LMBR1: variants seen among roughly 807,000 people sequenced by gnomAD.
LMBR1 encodes limb development membrane protein 1.
A neutral mutation model predicts 73.9 loss-of-function variants in LMBR1; 52 were observed. The observed-to-expected ratio is 0.70, with a 90% CI of 0.56 to 0.89. The LOEUF is 0.89. Ranked by LOEUF, LMBR1 falls within the 40% of genes least tolerant of loss-of-function variation. The pLI is 0.00. For synonymous variants in LMBR1, 215 were observed against 209.4 expected (o/e 1.03, Z -0.23); for missense variants, 539 against 579.8 (o/e 0.93, Z 0.72).
intron 1 of LMBR1, among the ~76,000 whole-genome samples, chr7:156,884,274 G>A (rs1263039211): frequency 6.6e-6 from 1 of 152,124 alleles, no homozygotes; most frequent in Non-Finnish European, 1.5e-5. Context: ...ACACACCTAG[G>A]CCTTGATGAC....
chr7:156,826,954 GGTCA>G (rs1274513138), intron 3 of LMBR1, among the ~76,000 whole-genome samples: 1 of 152,058 alleles, frequency 6.6e-6, no homozygotes, highest in African/African-American at 2.4e-5. Flanking sequence ...TCTATGAAAA[GGTCA>G]GTAAGTCTAA....
At chr7:156,754,899 C>T (rs1038226036) in intron 9 of LMBR1, among the ~76,000 whole-genome samples, 10 of 152,124 alleles carry the variant, frequency 6.6e-5, no homozygotes, top group African/African-American at 2.4e-4. Context: ...AATCATTTAG[C>T]TCTTTATTTT....
intron 1 of LMBR1, among the ~76,000 whole-genome samples, chr7:156,841,048 G>A (rs1313461577): frequency 6.6e-6 from 1 of 151,694 alleles, no homozygotes; most frequent in Non-Finnish European, 1.5e-5. Flanking sequence ...ACAAAGAACT[G>A]CAGGAAGCCG....
intron 1 of LMBR1, among the ~76,000 whole-genome samples, chr7:156,854,807 A>G (rs1586249660): frequency 6.6e-6 from 1 of 152,216 alleles, no homozygotes; most frequent in South Asian, 2.1e-4. Context: ...TTACAGCTAA[A>G]AGAACTGCAA....
downstream of LMBR1, among the ~76,000 whole-genome samples, chr7:156,673,294 T>G (rs1363936774): frequency 1.3e-5 from 2 of 152,176 alleles, no homozygotes; most frequent in Admixed American, 6.5e-5. Context: ...TAAAAACAAT[T>G]TACAGAAAAC....
rs151152539 is a variant in LMBR1, at chr7:156,802,446, A to G, written c.320-5954T>C. ...TAAAAATGAGTTCCATAAACAAACAATATTACAATCCATATAGCTAAATGT... is the reference window on the plus strand; with the variant it reads ...TAAAAATGAGTTCCATAAACAAACAGTATTACAATCCATATAGCTAAATGT... On this transcript the variant is annotated intron_variant, in intron 4 of 16. Transcript: ENST00000353442. Among the ~76,000 whole-genome samples the G allele has an allele frequency of 2.6e-3, 401 of 152,308 alleles. 4 individuals carry two copies. Among genetic ancestry groups the G allele is most frequent in the African/African-American group, 9.1e-3 (376 of 41,542 alleles).
chr7:156,675,633 G>A, downstream of LMBR1: 1 of 1,438,732 alleles, frequency 7.0e-7, no homozygotes, highest in Non-Finnish European at 9.7e-7. Flanking sequence ...AGGCTCGAGA[G>A]CGCTTCCCTG....
intron 15 of LMBR1, among the ~76,000 whole-genome samples, chr7:156,688,761 A>G (rs1489165263): frequency 3.3e-5 from 5 of 152,166 alleles, no homozygotes; most frequent in Non-Finnish European, 7.3e-5. Flanking sequence ...ACGAGTCTTC[A>G]CAGCATACAT....
At position 156,780,116 on chromosome 7, in the gene LMBR1, G is replaced by A. The variant is rs187426932; in HGVS notation, c.423+16273C>T. ...GCTTTGGTCTCACGTCAGAGAAAAC[G>A]GCTTTGTGAAAAGCTTTGTTAAGGT... On this transcript the variant is annotated intron_variant, in intron 5 of 16. Transcript: ENST00000353442. Among the ~76,000 whole-genome samples, 215 of 152,202 alleles carry A rather than the reference G, an allele frequency of 1.4e-3. 1 individual carries two copies. The highest frequency in any genetic ancestry group is 6.8e-3 in the Middle Eastern group (2 of 294).
rs1164896899 is a variant in LMBR1 at position 156,788,481 on chromosome 7, A to G, written c.423+7908T>C. ...ATGACTAGGAATTTTTTAAAATAGA[A>G]AACAGCTCAAAACCACGCCTATGGC... On this transcript the variant is annotated intron_variant, in intron 5 of 16. Coordinates refer to ENST00000353442, the MANE Select transcript of LMBR1 (RefSeq NM_022458.4). 3.3e-5 allele frequency among the ~76,000 whole-genome samples: 5 copies of G among 152,160 alleles called. No homozygotes were observed. In the South Asian group the frequency reaches 1.0e-3, roughly 32 times the overall value.
intron 15 of LMBR1, among the ~76,000 whole-genome samples, chr7:156,693,670 C>T (rs1048239621): frequency 1.4e-4 from 21 of 152,118 alleles, no homozygotes; most frequent in Admixed American, 1.4e-3. Flanking sequence ...AAAGAAAAGC[C>T]CAGGACCAGA....
chr7:156,724,316 C>G (rs1043257738), intron 14 of LMBR1, 138 bp from the exon 15 acceptor site: 5 of 593,314 alleles, frequency 8.4e-6, no homozygotes, highest in Non-Finnish European at 1.5e-5. Flanking sequence ...CTATTCAGTA[C>G]AGAATTTTCA....
At chr7:156,687,986 A>G (rs1288264396) in intron 16 of LMBR1, 44 bp downstream of exon 16, 1 of 1,492,158 alleles carries the variant, frequency 6.7e-7, no homozygotes, top group Non-Finnish European at 9.0e-7. Flanking sequence ...TGTCAAAATT[A>G]TTTAGTAGAA....
rs1052891075 is a variant in LMBR1, at chr7:156,681,359, G to A, written c.*2719C>T. 6.9e-6 allele frequency: 2 copies of A among 289,128 alleles called. No homozygotes were observed. The highest frequency in any genetic ancestry group is 1.0e-4 in the East Asian group (1 of 9,556). 17.9% of individuals were successfully genotyped at this position (289,128 alleles called of 1,614,324 possible). On this transcript the variant is annotated 3_prime_UTR_variant, in exon 17 of 17. Coordinates refer to ENST00000353442, the MANE Select transcript of LMBR1 (RefSeq NM_022458.4). ...CAGCACCTTAGTGCAGCAATTTAAG[G>A]AGCTAACATTAGTGTGTATGTGTGT...
intron 4 of LMBR1, among the ~76,000 whole-genome samples, chr7:156,815,028 C>T (rs1161036174): frequency 1.3e-5 from 2 of 151,798 alleles, no homozygotes; most frequent in Non-Finnish European, 1.5e-5. Flanking sequence ...TGGTGGCACA[C>T]GCCTATAATC....
chr7:156,748,050 G>A (rs2132678242), intron 9 of LMBR1: 1 of 152,294 alleles, frequency 6.6e-6, no homozygotes. Context: ...CTACAAAGGA[G>A]AGAGTCAGCC....
At chr7:156,752,228 G>A (rs1279401294) in intron 9 of LMBR1, among the ~76,000 whole-genome samples, 3 of 152,230 alleles carry the variant, frequency 2.0e-5, no homozygotes, top group Admixed American at 1.3e-4. Context: ...GGAAGCAAGA[G>A]TGAGTTTCAA....
At chr7:156,803,190 A>T (rs1372654058) in intron 4 of LMBR1, among the ~76,000 whole-genome samples, 3 of 152,226 alleles carry the variant, frequency 2.0e-5, no homozygotes, top group African/African-American at 7.2e-5. Context: ...ACAGCAAAAG[A>T]AACCACCATC....
rs554202635 is a variant in LMBR1 at position 156,719,066 on chromosome 7, C to T, written c.1225+5046G>A. Reference sequence around the variant, plus strand: ...GTTACATATGTATACATGAGCCATGCTGGTGTGCTGCACCCATTAACTCGT... The same window carrying T: ...GTTACATATGTATACATGAGCCATGTTGGTGTGCTGCACCCATTAACTCGT... On this transcript the variant is annotated intron_variant, in intron 15 of 16. Transcript: ENST00000353442. Among the ~76,000 whole-genome samples, 43 of 151,818 alleles carry T rather than the reference C, an allele frequency of 2.8e-4. 1 individual carries two copies. In the South Asian group the frequency reaches 6.5e-3, roughly 23 times the overall value.
Sources: allele counts gnomAD v4.1 joint callset (sites outside exome capture counted in the v4.1 genomes callset), GRCh38; gene constraint gnomAD v4.1.1; transcripts MANE v1.5; gene names NCBI Gene and HGNC (gene_info 2026-07-23, HGNC 2026-07-21).